PHACTR1: variants seen among roughly 807,000 people sequenced by gnomAD.
PHACTR1 encodes RPEL repeat containing 1.
PHACTR1 carries 16 observed loss-of-function variants against 69.2 expected under a neutral mutation model. That is an observed-to-expected ratio of 0.23 (90% CI 0.16 to 0.35). The LOEUF is 0.35. Ranked by LOEUF, PHACTR1 falls within the 10% of genes least tolerant of loss-of-function variation. The pLI, the probability that PHACTR1 is intolerant of heterozygous loss-of-function variation, is 1.00. For missense variants in PHACTR1, 510 were observed against 734.7 expected, an observed-to-expected ratio of 0.69 and a Z score of 3.54; for synonymous variants, 312 against 284.5, an observed-to-expected ratio of 1.10 and a Z score of -0.97.
At chr6:12,979,657 C>T (rs1179542006) in intron 4 of PHACTR1, among the ~76,000 whole-genome samples, 3 of 151,828 alleles carry the variant, frequency 2.0e-5, no homozygotes, top group African/African-American at 7.3e-5. Flanking sequence ...GAGAAACGTT[C>T]CCTTTCTATG....
In PHACTR1 at chr6:13,166,633, AATATT is replaced by A. The variant is rs563650467; in HGVS notation, c.496+6357_496+6361del. 2.6e-3 allele frequency among the ~76,000 whole-genome samples: 398 copies of A among 152,296 alleles called. 1 individual carries two copies. The highest frequency in any genetic ancestry group is 9.1e-3 in the African/African-American group (377 of 41,552). ...TTTATTGCCAGTTATTTAAATAGGT[AATATT>A]ATATTATGTATATATTTGTATACAT... is the stretch of plus-strand genomic sequence containing the variant. On this transcript the variant is annotated intron_variant, in intron 6 of 14. Transcript: ENST00000332995.
chr6:12,978,827 G>A (rs577849966), intron 4 of PHACTR1, among the ~76,000 whole-genome samples: 4 of 152,266 alleles, frequency 2.6e-5, no homozygotes, highest in East Asian at 3.9e-4. Flanking sequence ...CTGAAATTAA[G>A]TACTAACAAG....
At chr6:13,286,874 C>T (rs1781796627) in intron 14 of PHACTR1, among the ~76,000 whole-genome samples, 189 bp from the exon 15 acceptor site, 1 of 152,160 alleles carries the variant, frequency 6.6e-6, no homozygotes, top group African/African-American at 2.4e-5. Context: ...AGGTGGAGGC[C>T]ACCAGGGCTG....
At chr6:12,822,958 T>A (rs1172447199) in intron 4 of PHACTR1, among the ~76,000 whole-genome samples, 1 of 152,182 alleles carries the variant, frequency 6.6e-6, no homozygotes, top group African/African-American at 2.4e-5. Context: ...GTCAGGGATA[T>A]GAGTGGGCTT....
At chr6:13,204,107 C>A (rs542470923) in intron 7 of PHACTR1, among the ~76,000 whole-genome samples, 1 of 152,040 alleles carries the variant, frequency 6.6e-6, no homozygotes, top group African/African-American at 2.4e-5. Context: ...CTGGGGGAAC[C>A]AGAGCAGACT....
intron 10 of PHACTR1, among the ~76,000 whole-genome samples, chr6:13,247,432 G>A (rs1262752664): frequency 6.6e-6 from 1 of 150,686 alleles, no homozygotes; most frequent in Non-Finnish European, 1.5e-5. Context: ...TGCAACCTCC[G>A]CCTCCTGGGT....
chr6:13,138,365 C>T (rs1381612208), intron 5 of PHACTR1, among the ~76,000 whole-genome samples: 1 of 152,118 alleles, frequency 6.6e-6, no homozygotes, highest in Non-Finnish European at 1.5e-5. Flanking sequence ...TGTAAGCTTT[C>T]TAAAGTAAAT....
chr6:12,896,421 C>T (rs966631548), intron 4 of PHACTR1, among the ~76,000 whole-genome samples: 7 of 152,208 alleles, frequency 4.6e-5, no homozygotes, highest in African/African-American at 1.7e-4. Flanking sequence ...TGACAATTCC[C>T]GTCACCTGCT....
intron 4 of PHACTR1, among the ~76,000 whole-genome samples, chr6:13,027,793 A>G (rs1801912812): frequency 6.6e-6 from 1 of 151,964 alleles, no homozygotes; most frequent in African/African-American, 2.4e-5. Flanking sequence ...CTCCTTCCTC[A>G]GTCTCCCAAG....
Position 13,064,547 on chromosome 6 carries a change from GATATATATATATATATATAT to G in PHACTR1, c.415+11057_415+11076del, listed in dbSNP as rs1195089569. On this transcript the variant is annotated intron_variant, in intron 5 of 14. Transcript: ENST00000332995. ...GCAACGGGAAGGGGAGAAGGGAAAA[GATATATATATATATATATAT>G]ATATATATATATATATATATATATA... 3.8e-4 allele frequency among the ~76,000 whole-genome samples: 27 copies of G among 70,216 alleles called. 1 individual carries two copies. Among genetic ancestry groups the G allele is most frequent in the African/African-American group, 8.9e-4 (18 of 20,324 alleles). The allele number at this position is 70,216 out of a possible 152,430, so 46.1% of individuals were successfully genotyped here. A position where few individuals can be genotyped will look rare whatever the true frequency, so the allele number is the denominator to read the frequency against.
In PHACTR1 at chr6:13,242,035, C is replaced by CAAAAAA. The variant is rs747990237; in HGVS notation, c.1391+11857_1391+11862dup. Among the ~76,000 whole-genome samples, 442 of 58,596 alleles carry CAAAAAA rather than the reference C, an allele frequency of 7.5e-3. 2 individuals are homozygous for CAAAAAA. The highest frequency in any genetic ancestry group is 0.022 in the African/African-American group (429 of 19,604). The allele number at this position is 58,596 out of a possible 152,430, so 38.4% of individuals were successfully genotyped here. On this transcript the variant is annotated intron_variant, in intron 10 of 14. Transcript: ENST00000332995. Reference sequence around the variant, plus strand: ...TGGGCAACAGAGTGAGATTCTGTCTCAAAAAAAAAAAAAAAAAAAAGGAAT... The same window carrying CAAAAAA: ...TGGGCAACAGAGTGAGATTCTGTCTCAAAAAAAAAAAAAAAAAAAAAAAAAAGGAAT...
intron 5 of PHACTR1, among the ~76,000 whole-genome samples, chr6:13,078,455 C>A (rs183372938): frequency 3.3e-5 from 5 of 152,286 alleles, no homozygotes; most frequent in African/African-American, 1.2e-4. Context: ...ATTCTAAACA[C>A]TAGGGATTAA....
At chr6:12,885,469 G>C (rs779838353) in intron 4 of PHACTR1, among the ~76,000 whole-genome samples, 3 of 152,138 alleles carry the variant, frequency 2.0e-5, no homozygotes, top group Non-Finnish European at 4.4e-5. Context: ...TAGTAAGCAG[G>C]GATAGAGGAT....
At chr6:12,895,273 C>T (rs1784553826) in intron 4 of PHACTR1, among the ~76,000 whole-genome samples, 2 of 150,632 alleles carry the variant, frequency 1.3e-5, no homozygotes, top group Admixed American at 1.3e-4. Flanking sequence ...CCTCTGCCTC[C>T]CAGGTTCCAG....
chr6:13,229,952 C>A, intron 9 of PHACTR1, 85 bp from the exon 10 acceptor site: 2 of 1,425,016 alleles, frequency 1.4e-6, no homozygotes, highest in Non-Finnish European at 1.9e-6. Flanking sequence ...TTCCTTCCTG[C>A]CTTGTATCTT....
intron 4 of PHACTR1, among the ~76,000 whole-genome samples, chr6:12,751,079 G>A (rs535704395): frequency 5.9e-5 from 9 of 152,146 alleles, no homozygotes; most frequent in South Asian, 2.1e-4. Context: ...GAGAAGTTTC[G>A]ACAAAAGAGA....
Position 13,283,755 on chromosome 6 carries a change from A to G in PHACTR1, c.1650+193A>G. ...GCGGAAAGGCTGCTGAATCGGAGAA[A>G]ACACAAGGCACATAATACTGTGCCC... is the stretch of plus-strand genomic sequence containing the variant. On this transcript the variant is annotated intron_variant, in intron 13 of 14. Transcript: ENST00000332995. The surrounding 1 kb of genome is among the most constrained non-coding windows in gnomAD (Gnocchi z 4.7). 1 of 755,384 alleles carries G rather than the reference A, an allele frequency of 1.3e-6. No homozygotes were observed. The highest frequency in any genetic ancestry group is 2.1e-6 in the Non-Finnish European group (1 of 470,504). The allele number at this position is 755,384 out of a possible 1,614,324, so 46.8% of individuals were successfully genotyped here.
At position 13,227,896 on chromosome 6, in the gene PHACTR1, C is replaced by CT; in HGVS notation, c.1068dup (p.Met357TyrfsTer15). ...GGTGATGGGGTCACCAAAGCAGGAC[C>CT]TATGGGCCTTCCAGAAATAAGACAA... On this transcript the variant is annotated frameshift_variant, in exon 9 of 15. Transcript: ENST00000332995. LOFTEE classifies it high-confidence loss of function. 6.2e-7 allele frequency: 1 copy of CT among 1,613,998 alleles called. No homozygotes were observed. Among genetic ancestry groups the CT allele is most frequent in the Non-Finnish European group, 8.5e-7 (1 of 1,179,904 alleles).
chr6:12,957,977 A>G (rs1328143666), intron 4 of PHACTR1: 2 of 985,338 alleles, frequency 2.0e-6, no homozygotes, highest in Admixed American at 1.2e-4. Flanking sequence ...TTGGAAAGCC[A>G]GGAAACAGAC....
Sources: gnomAD v4.1 joint callset for allele counts (sites outside exome capture counted in the v4.1 genomes callset) on GRCh38, gnomAD v4.1.1 for gene constraint, Gnocchi (gnomAD v3.1) non-coding constraint, MANE v1.5 for transcripts, NCBI Gene and HGNC (gene_info 2026-07-23, HGNC 2026-07-21) for gene names.